ABL2: variants seen among roughly 807,000 people sequenced by gnomAD.
ABL2 encodes ABL proto-oncogene 2, non-receptor tyrosine kinase.
Under a neutral mutation model 107.7 loss-of-function variants are expected in ABL2, and 49 were observed. That is an observed-to-expected ratio of 0.45 (90% CI 0.36 to 0.58). The LOEUF (loss-of-function observed/expected upper bound fraction) is 0.58, where lower values mean the gene tolerates loss of function less well. Among genes scored for constraint, ABL2 ranks in the 20% least tolerant of loss-of-function variants. ABL2 has a pLI of 0.00. For synonymous variants in ABL2, 549 were observed against 548.6 expected (o/e 1.00, Z -0.01); for missense variants, 1,245 against 1,457.0 (o/e 0.85, Z 2.37).
At chr1:179,180,612 G>C (rs1052332483) in intron 1 of ABL2, among the ~76,000 whole-genome samples, 1 of 152,116 alleles carries the variant, frequency 6.6e-6, no homozygotes, top group Non-Finnish European at 1.5e-5. Context: ...CCGTGGCCAA[G>C]GTGCATAAGG....
intron 1 of ABL2, chr1:179,143,026 G>A: frequency 1.9e-6 from 3 of 1,614,180 alleles, no homozygotes; most frequent in Non-Finnish European, 2.5e-6. Context: ...GGTGGAAGGA[G>A]AACTGTCCCA....
intron 1 of ABL2, among the ~76,000 whole-genome samples, chr1:179,204,703 C>T (rs1230240374): frequency 6.6e-6 from 1 of 152,018 alleles, no homozygotes; most frequent in East Asian, 2.0e-4. Flanking sequence ...ACCAAGATCA[C>T]GCCACTGCAC....
Position 179,109,007 on chromosome 1 carries a change from G to A in ABL2, c.2260C>T (p.Pro754Ser). Residue 754 changes from proline (P) to serine (S), a missense_variant, in exon 12 of 12, where the codon CCA becomes TCA. Physicochemically the swap from Pro to Ser is moderately conservative, Grantham distance 74. Transcript: ENST00000502732. The part of the protein sequence containing the change: ...GWSGITGFFT[P>S]RLIKKTLGLR... Reference sequence around the variant, plus strand: ...CCCAGTGTCTTTTTGATTAAGCGTGGTGTAAAGAAGCCTGTGATGCCAGAC... The same window carrying A: ...CCCAGTGTCTTTTTGATTAAGCGTGATGTAAAGAAGCCTGTGATGCCAGAC... 6.2e-7 allele frequency: 1 copy of A among 1,614,010 alleles called. No homozygotes were observed. The highest frequency in any genetic ancestry group is 8.5e-7 in the Non-Finnish European group (1 of 1,180,024).
intron 1 of ABL2, among the ~76,000 whole-genome samples, chr1:179,176,855 T>C (rs1211730018): frequency 6.6e-6 from 1 of 151,806 alleles, no homozygotes; most frequent in Non-Finnish European, 1.5e-5. Context: ...GCCACCATGC[T>C]TGGCTAATTT....
intron 4 of ABL2, among the ~76,000 whole-genome samples, chr1:179,123,394 A>G (rs1655410663): frequency 6.6e-6 from 1 of 151,978 alleles, no homozygotes; most frequent in South Asian, 2.1e-4. Context: ...AGTCCCAGCT[A>G]CTTGGGAGGC....
At chr1:179,117,087 C>T (rs1654719219) in intron 8 of ABL2, 2 of 487,974 alleles carry the variant, frequency 4.1e-6, no homozygotes, top group South Asian at 2.1e-5. Flanking sequence ...ATCCACCCAT[C>T]TCGGCCCAAA....
At chr1:179,148,900 G>GA (rs35904029) in intron 1 of ABL2, among the ~76,000 whole-genome samples, 69 of 107,300 alleles carry the variant, frequency 6.4e-4, no homozygotes, top group Admixed American at 1.2e-3. Context: ...ACTCCGTCTT[G>GA]AAAAAAAAAA....
chr1:179,208,785 A>G (rs754361510), intron 1 of ABL2, among the ~76,000 whole-genome samples: 2 of 152,214 alleles, frequency 1.3e-5, no homozygotes, highest in African/African-American at 2.4e-5. Flanking sequence ...CAAGCACCCA[A>G]TCCCTAAACC....
Position 179,108,353 on chromosome 1 carries a change from T to C in ABL2, c.2914A>G (p.Lys972Glu). The change falls in exon 12 of 12, where the codon AAG becomes GAG. Residue 972 changes from lysine (K) to glutamate (E), a missense_variant. Physicochemically the swap from Lys to Glu is moderately conservative, Grantham distance 56. Coordinates refer to ENST00000502732, the MANE Select transcript of ABL2 (RefSeq NM_007314.4). Reference protein sequence around the residue: ...SEHQVTSSGDKDRPRRVKPKC... With the variant: ...SEHQVTSSGDEDRPRRVKPKC... ...GGTTTTACCCGTCGGGGTCGGTCCT[T>C]GTCTCCAGAGGATGTGACCTGATGC... is the stretch of plus-strand genomic sequence containing the variant. 12 of 1,614,228 alleles carry C rather than the reference T, an allele frequency of 7.4e-6. No homozygotes were observed. The highest frequency in any genetic ancestry group is 1.0e-5 in the Non-Finnish European group (12 of 1,180,038).
chr1:179,222,678 C>T (rs985794414), intron 1 of ABL2, among the ~76,000 whole-genome samples: 1 of 152,006 alleles, frequency 6.6e-6, no homozygotes, highest in Non-Finnish European at 1.5e-5. Flanking sequence ...CATGAGCCAC[C>T]GCGCCTGGCC....
intron 7 of ABL2, 101 bp from the exon 8 acceptor site, chr1:179,117,617 G>A (rs912589782): frequency 2.1e-5 from 25 of 1,180,332 alleles, no homozygotes; most frequent in Non-Finnish European, 3.0e-5. Context: ...AGTTAAGTAA[G>A]TGCTGACAAA....
intron 1 of ABL2, chr1:179,202,015 T>C (rs925574688): frequency 1.5e-6 from 1 of 663,400 alleles, no homozygotes; most frequent in Non-Finnish European, 2.0e-6. Context: ...AGCCAAGGGA[T>C]GGACATCTTG....
At chr1:179,160,009 A>C (rs1362531376) in intron 1 of ABL2, among the ~76,000 whole-genome samples, 1 of 152,034 alleles carries the variant, frequency 6.6e-6, no homozygotes, top group Non-Finnish European at 1.5e-5. Context: ...AGCTACAGGG[A>C]AGGCTGAGGC....
At chr1:179,194,573 C>CA (rs1661197165) in intron 1 of ABL2, among the ~76,000 whole-genome samples, 1 of 152,152 alleles carries the variant, frequency 6.6e-6, no homozygotes, top group Non-Finnish European at 1.5e-5. Context: ...ACTCTACACA[C>CA]AAAACACTTC....
rs1357446284 is a variant in ABL2 at position 179,107,141 on chromosome 1, A to C, written c.*577T>G. On this transcript the variant is annotated 3_prime_UTR_variant, in exon 12 of 12. Coordinates refer to ENST00000502732, the MANE Select transcript of ABL2 (RefSeq NM_007314.4). ...GAAAATAGGACAGAGGCATTCAGATAGGGCCATATTTCCCAGTTTTATGTT... is the reference window on the plus strand; with the variant it reads ...GAAAATAGGACAGAGGCATTCAGATCGGGCCATATTTCCCAGTTTTATGTT... 2 of 231,826 alleles carry C rather than the reference A, an allele frequency of 8.6e-6. No individual in the cohort carries two copies. The highest frequency in any genetic ancestry group is 1.7e-5 in the Non-Finnish European group (2 of 117,288). 14.4% of individuals were successfully genotyped at this position (231,826 alleles called of 1,614,324 possible).
At chr1:179,114,773 T>C in intron 9 of ABL2, 105 bp downstream of exon 9, 4 of 1,188,314 alleles carry the variant, frequency 3.4e-6, no homozygotes, top group African/African-American at 1.5e-5. Flanking sequence ...GTCATGAGGC[T>C]GGATTCAATC....
chr1:179,229,295 G>C lies in ABL2; in HGVS notation c.103C>G (p.Arg35Gly). Residue 35 changes from arginine to glycine, a missense_variant, in exon 1 of 12, where the codon CGG (arginine) becomes GGG (glycine). By Grantham distance (125) the Arg-to-Gly change is moderately radical. Transcript: ENST00000502732. ...SSAARPSGRR[R>G]DPAGRTTETG... ...TCTGTGGTGCGCCCCGCCGGGTCCC[G>C]CCTGCGGCCGGAGGGCCTGGCTGCA... 1 of 1,575,492 alleles carries C rather than the reference G, an allele frequency of 6.3e-7. No individual in the cohort carries two copies. The highest frequency in any genetic ancestry group is 8.6e-7 in the Non-Finnish European group (1 of 1,162,866).
At chr1:179,173,649 C>T (rs1213100273) in intron 1 of ABL2, among the ~76,000 whole-genome samples, 1 of 152,072 alleles carries the variant, frequency 6.6e-6, no homozygotes, top group Non-Finnish European at 1.5e-5. Flanking sequence ...CATGCCCAGC[C>T]AGAAAGGCTT....
At chr1:179,143,591 G>A (rs1299178239) in intron 1 of ABL2, among the ~76,000 whole-genome samples, 4 of 152,212 alleles carry the variant, frequency 2.6e-5, no homozygotes, top group South Asian at 4.1e-4. Context: ...AGAAATAACT[G>A]CCTTTGCTAA....
Sources: allele counts gnomAD v4.1 joint callset (sites outside exome capture counted in the v4.1 genomes callset), GRCh38; gene constraint gnomAD v4.1.1; transcripts MANE v1.5; gene names NCBI Gene and HGNC (gene_info 2026-07-23, HGNC 2026-07-21).